The following CNTN5 variants were observed in gnomAD, a reference collection of about 807,000 sequenced individuals.
CNTN5 encodes contactin-5.
In CNTN5, 77 loss-of-function variants were observed where a neutral mutation model predicts 129.1. The ratio of observed to expected loss-of-function variants is 0.60; its 90% CI spans 0.50 to 0.72. CNTN5 has a LOEUF of 0.72. CNTN5 is among the 30% of genes least tolerant of loss of function. The pLI is 0.00. For missense variants in CNTN5, 1,478 were observed against 1,328.8 expected (o/e 1.11, Z -1.75); for synonymous variants, 509 against 465.6 (o/e 1.09, Z -1.20).
At chr11:99,725,669 A>G (rs1424726374) in intron 3 of CNTN5, among the ~76,000 whole-genome samples, 3 of 152,176 alleles carry the variant, frequency 2.0e-5, no homozygotes, top group Non-Finnish European at 2.9e-5. Context: ...TTATTTTTAT[A>G]TTTCGTAAAC....
chr11:99,324,730 C>T (rs1865708742), intron 1 of CNTN5, among the ~76,000 whole-genome samples: 1 of 152,246 alleles, frequency 6.6e-6, no homozygotes, highest in South Asian at 2.1e-4. Context: ...CAAGCTCCAC[C>T]TCCCGGGTTC....
chr11:100,290,087 C>T (rs1277594650), intron 18 of CNTN5, among the ~76,000 whole-genome samples: 1 of 150,496 alleles, frequency 6.6e-6, no homozygotes, highest in South Asian at 2.1e-4. Flanking sequence ...CTACAAACCA[C>T]TGCTCAAGGA....
chr11:100,265,252 C>T (rs1367200459), intron 17 of CNTN5, among the ~76,000 whole-genome samples: 2 of 152,152 alleles, frequency 1.3e-5, no homozygotes, highest in Non-Finnish European at 2.9e-5. Context: ...CCTCTTCTAA[C>T]TCATTTCTCC....
At chr11:99,030,867 G>A (rs1463149160) in intron 1 of CNTN5, among the ~76,000 whole-genome samples, 3 of 145,194 alleles carry the variant, frequency 2.1e-5, no homozygotes, top group Admixed American at 7.4e-5. Flanking sequence ...TGCAACCTCC[G>A]CCTCCCGGGT....
chr11:99,868,497 A>G (rs1317499485), intron 6 of CNTN5, among the ~76,000 whole-genome samples: 1 of 152,202 alleles, frequency 6.6e-6, no homozygotes, highest in Non-Finnish European at 1.5e-5. Flanking sequence ...CAAGTAGGAA[A>G]ATGAGATTTA....
At chr11:99,167,807 C>T (rs898357875) in intron 1 of CNTN5, among the ~76,000 whole-genome samples, 1 of 151,986 alleles carries the variant, frequency 6.6e-6, no homozygotes, top group African/African-American at 2.4e-5. Context: ...CATAATGTAT[C>T]ATAATCTATT....
intron 3 of CNTN5, among the ~76,000 whole-genome samples, chr11:99,777,179 A>T (rs1014076542): frequency 2.0e-5 from 3 of 151,842 alleles, no homozygotes; most frequent in African/African-American, 7.2e-5. Flanking sequence ...CATGATTTTG[A>T]CAATTTACTA....
chr11:99,806,493 T>TA (rs771127983), intron 3 of CNTN5, among the ~76,000 whole-genome samples: 79 of 152,174 alleles, frequency 5.2e-4, no homozygotes, highest in South Asian at 2.1e-3. Context: ...CCATTTTTTT[T>TA]AACTTTTAAT....
chr11:100,096,552 C>T (rs17094347), intron 13 of CNTN5, among the ~76,000 whole-genome samples: 18,967 of 151,932 alleles, frequency 0.12, 1,454 homozygotes, highest in African/African-American at 0.21. Context: ...CCTAGCCATC[C>T]GGGTTTGAAA....
At chr11:99,061,646 C>T (rs1364138774) in intron 1 of CNTN5, among the ~76,000 whole-genome samples, 3 of 152,012 alleles carry the variant, frequency 2.0e-5, no homozygotes, top group Admixed American at 1.3e-4. Context: ...GTATAGACTT[C>T]GATGTGAGGA....
At chr11:99,835,401 T>G (rs1947271125) in intron 4 of CNTN5, among the ~76,000 whole-genome samples, 1 of 152,014 alleles carries the variant, frequency 6.6e-6, no homozygotes, top group Admixed American at 6.6e-5. Flanking sequence ...TCCACTGGAG[T>G]CAGGGCAGGA....
At chr11:99,866,200 T>C (rs915229939) in intron 6 of CNTN5, among the ~76,000 whole-genome samples, 3 of 152,206 alleles carry the variant, frequency 2.0e-5, no homozygotes, top group Non-Finnish European at 2.9e-5. Flanking sequence ...AGTGCACTTC[T>C]GAGTACAGAA....
At chr11:99,133,161 T>G (rs1250264176) in intron 1 of CNTN5, among the ~76,000 whole-genome samples, 1 of 152,022 alleles carries the variant, frequency 6.6e-6, no homozygotes. Context: ...GAGGAGAGGA[T>G]TCCCTATTCA....
chr11:100,317,091 C>T (rs1951586112), intron 21 of CNTN5, among the ~76,000 whole-genome samples: 1 of 152,198 alleles, frequency 6.6e-6, no homozygotes, highest in African/African-American at 2.4e-5. Flanking sequence ...ATTGATTGCA[C>T]TGAAAGGACA....
intron 1 of CNTN5, among the ~76,000 whole-genome samples, chr11:99,200,546 G>T (rs1314852942): frequency 6.6e-6 from 1 of 152,130 alleles, no homozygotes; most frequent in Non-Finnish European, 1.5e-5. Flanking sequence ...TATTACTGTG[G>T]CTGCACGCAT....
At chr11:100,013,390 A>G (rs1009388460) in intron 9 of CNTN5, among the ~76,000 whole-genome samples, 1 of 152,174 alleles carries the variant, frequency 6.6e-6, no homozygotes, top group African/African-American at 2.4e-5. Context: ...ACTTTATTGT[A>G]TCCCATACCC....
At chr11:100,240,950 T>C (rs1949728542) in intron 16 of CNTN5, among the ~76,000 whole-genome samples, 1 of 152,232 alleles carries the variant, frequency 6.6e-6, no homozygotes, top group Admixed American at 6.5e-5. Flanking sequence ...AAAGTCCATA[T>C]AGCCACACTT....
chr11:100,189,343 T>C (rs1948403285), intron 13 of CNTN5, among the ~76,000 whole-genome samples: 1 of 151,748 alleles, frequency 6.6e-6, no homozygotes, highest in Admixed American at 6.6e-5. Flanking sequence ...GTACAGGGCA[T>C]TCATAAACTG....
At chr11:99,386,784 C>T (rs1252679733) in intron 2 of CNTN5, among the ~76,000 whole-genome samples, 3 of 152,042 alleles carry the variant, frequency 2.0e-5, no homozygotes, top group Non-Finnish European at 4.4e-5. Flanking sequence ...AATAATTGAA[C>T]AAAAATCTCA....
Sources: gnomAD v4.1 joint callset for allele counts (sites outside exome capture counted in the v4.1 genomes callset) on GRCh38, gnomAD v4.1.1 for gene constraint, MANE v1.5 for transcripts, NCBI Gene and HGNC (gene_info 2026-07-23, HGNC 2026-07-21) for gene names.